SRFBP1: variants seen among roughly 807,000 people sequenced by gnomAD.
SRFBP1 encodes the protein serum response factor binding protein 1, also known as serum response factor-binding protein 1.
A neutral mutation model predicts 45.5 loss-of-function variants in SRFBP1; 47 were observed. That is an observed-to-expected ratio of 1.03 (90% CI 0.82 to 1.32). The LOEUF (loss-of-function observed/expected upper bound fraction) is 1.32, where lower values mean the gene tolerates loss of function less well. Ranked by LOEUF, SRFBP1 falls within the 40% of genes most tolerant of loss-of-function variation. The pLI is 0.00. For missense variants in SRFBP1, 621 were observed against 484.6 expected (o/e 1.28, Z -2.64); for synonymous variants, 203 against 166.3 (o/e 1.22, Z -1.70).
downstream of SRFBP1, chr5:122,077,253 C>A: frequency 6.5e-7 from 1 of 1,549,246 alleles, no homozygotes; most frequent in Non-Finnish European, 8.7e-7. The surrounding 1 kb of genome is among the most constrained non-coding windows in gnomAD (Gnocchi z 4.9). Flanking sequence ...GGGATCGGAT[C>A]TGCGAGGACC....
intron 3 of SRFBP1, among the ~76,000 whole-genome samples, chr5:121,983,278 T>C (rs1452229950): frequency 1.3e-5 from 2 of 151,752 alleles, no homozygotes; most frequent in Non-Finnish European, 3.0e-5. Context: ...AAAATGGCTG[T>C]CTGTTCGATT....
intron 3 of SRFBP1, among the ~76,000 whole-genome samples, chr5:121,979,518 A>T (rs2112823494): frequency 6.6e-6 from 1 of 152,296 alleles, no homozygotes; most frequent in Non-Finnish European, 1.5e-5. Flanking sequence ...CTATGAAAGT[A>T]ATTGTATTAA....
At chr5:121,996,124 A>G (rs1189628175) in intron 4 of SRFBP1, among the ~76,000 whole-genome samples, 1 of 148,120 alleles carries the variant, frequency 6.8e-6, no homozygotes, top group East Asian at 2.0e-4. Context: ...AACTATTCCA[A>G]TCAATAGAAA....
intron 2 of SRFBP1, among the ~76,000 whole-genome samples, chr5:122,054,602 G>C (rs1352051117): frequency 6.6e-6 from 1 of 152,122 alleles, no homozygotes; most frequent in Non-Finnish European, 1.5e-5. Context: ...GCCTGATTTG[G>C]CTCATGGTTC....
chr5:121,999,259 T>G (rs1248214012), intron 4 of SRFBP1, among the ~76,000 whole-genome samples: 1 of 152,188 alleles, frequency 6.6e-6, no homozygotes, highest in East Asian at 1.9e-4. Flanking sequence ...TTGCTTAATT[T>G]CCAGACCGTT....
chr5:122,005,681 C>T (rs1752959638), intron 4 of SRFBP1, among the ~76,000 whole-genome samples: 1 of 152,112 alleles, frequency 6.6e-6, no homozygotes, highest in African/African-American at 2.4e-5. Flanking sequence ...GGACTTACTA[C>T]TGCCATTTTG....
intron 3 of SRFBP1, among the ~76,000 whole-genome samples, chr5:121,981,346 A>G (rs979040867): frequency 6.6e-6 from 1 of 152,058 alleles, no homozygotes; most frequent in Non-Finnish European, 1.5e-5. Context: ...AGGTGTTTTT[A>G]AAATGAGCAC....
chr5:121,980,003 T>C (rs1752377160), intron 3 of SRFBP1, among the ~76,000 whole-genome samples: 3 of 152,144 alleles, frequency 2.0e-5, no homozygotes, highest in South Asian at 4.1e-4. Flanking sequence ...CTCATTATCC[T>C]ATCTACCAGA....
rs34687337 is a variant in SRFBP1, at chr5:121,966,946, ATTTTTT to A, written c.36+4893_36+4898del. 1.4e-3 allele frequency among the ~76,000 whole-genome samples: 156 copies of A among 114,668 alleles called. 1 individual carries two copies. Among genetic ancestry groups the A allele is most frequent in the African/African-American group, 4.9e-3 (150 of 30,484 alleles). 75.2% of individuals were successfully genotyped at this position (114,668 alleles called of 152,430 possible). On this transcript the variant is annotated intron_variant, in intron 1 of 7. Transcript: ENST00000339397. The stretch of plus-strand genomic sequence containing the variant: ...AGGCGTCCACCATCACGCCCAGCTA[ATTTTTT>A]TTTTTTTTTTTTTTGTATTTTTAGT...
Position 122,022,405 on chromosome 5 carries a change from TA to T in SRFBP1, c.1104del (p.Asp369IlefsTer63). On this transcript the variant is annotated frameshift_variant and splice_region_variant, in exon 7 of 8. Coordinates refer to ENST00000339397, the MANE Select transcript of SRFBP1 (RefSeq NM_152546.3). LOFTEE classifies it low-confidence loss of function (END_TRUNC). ...FKEQAPKTRSLDFPQNEPQIK... is the reference protein window; with the variant it reads ...FKEQAPKTRSXDFPQNEPQIK... ...GAACAGGCTCCAAAAACAAGATCCC[TA>T]GGTATGTATTCATAGTTGCCTGACC... is the stretch of plus-strand genomic sequence containing the variant. 6.2e-7 allele frequency: 1 copy of T among 1,610,916 alleles called. No individual in the cohort carries two copies. Among genetic ancestry groups the T allele is most frequent in the Non-Finnish European group, 8.5e-7 (1 of 1,178,768 alleles).
At chr5:122,033,724 G>A (rs1052548713) in intron 2 of SRFBP1, among the ~76,000 whole-genome samples, 45 of 151,602 alleles carry the variant, frequency 3.0e-4, no homozygotes, top group African/African-American at 5.6e-4. Context: ...CTCCCAGAGC[G>A]CTGGGATTAC....
At chr5:121,994,712 T>C in intron 4 of SRFBP1, 42 bp downstream of exon 4, 1 of 1,283,422 alleles carries the variant, frequency 7.8e-7, no homozygotes, top group Non-Finnish European at 1.1e-6. Flanking sequence ...GAAAAGTTTC[T>C]CATCTATATT....
At chr5:122,070,895 C>T (rs935564750) in intron 2 of SRFBP1, 17 of 198,276 alleles carry the variant, frequency 8.6e-5, no homozygotes, top group African/African-American at 3.9e-4. Flanking sequence ...AGAATTTTAA[C>T]AGTTCAGGAA....
intron 1 of SRFBP1, among the ~76,000 whole-genome samples, chr5:121,962,440 C>T (rs2112806398): frequency 6.6e-6 from 1 of 152,300 alleles, no homozygotes; most frequent in South Asian, 2.1e-4. Flanking sequence ...TTTCAGTACA[C>T]ATTACCTGCT....
intron 4 of SRFBP1, among the ~76,000 whole-genome samples, chr5:122,017,244 G>T (rs1753210220): frequency 1.3e-5 from 2 of 152,146 alleles, no homozygotes; most frequent in South Asian, 4.2e-4. Flanking sequence ...CAACAAAAAA[G>T]TAAATTTATT....
intron 3 of SRFBP1, among the ~76,000 whole-genome samples, chr5:121,981,772 AG>A (rs1000226773): frequency 7.9e-5 from 12 of 151,912 alleles, no homozygotes; most frequent in African/African-American, 2.9e-4. Context: ...TACTTTATGC[AG>A]GCCCTTTTAC....
Position 122,053,334 on chromosome 5 carries a change from A to T in SRFBP1, n.312-21981A>T, listed in dbSNP as rs181610681. Reference sequence around the variant, plus strand: ...AGAAGCTTCAACCCTTGGCAAACTCATGCAGAAGTAGGACTTCAGAGCCGG... The same window carrying T: ...AGAAGCTTCAACCCTTGGCAAACTCTTGCAGAAGTAGGACTTCAGAGCCGG... On this transcript the variant is annotated intron_variant and non_coding_transcript_variant, in intron 2 of 2. Coordinates refer to the SRFBP1 transcript ENST00000504881. 4.3e-4 allele frequency among the ~76,000 whole-genome samples: 66 copies of T among 152,248 alleles called. 1 individual carries two copies. Among genetic ancestry groups the T allele is most frequent in the African/African-American group, 1.5e-3 (63 of 41,538 alleles).
At chr5:122,048,385 G>A (rs1427900380) in intron 2 of SRFBP1, among the ~76,000 whole-genome samples, 1 of 152,172 alleles carries the variant, frequency 6.6e-6, no homozygotes, top group Admixed American at 6.6e-5. Flanking sequence ...TTGCATCCCA[G>A]GGGTGAAGCC....
chr5:122,065,689 A>G lies in SRFBP1; in HGVS notation n.312-9626A>G, dbSNP rs963575965. On this transcript the variant is annotated intron_variant and non_coding_transcript_variant, in intron 2 of 2. Coordinates refer to the SRFBP1 transcript ENST00000504881. ...TTCTAGATAATATAAAATTTTTAAC[A>G]TTCCTCTAATAGCTGAACATCTTTT... 4.1e-4 allele frequency: 62 copies of G among 152,096 alleles called. 1 individual carries two copies. The highest frequency in any genetic ancestry group is 1.0e-4 in the Non-Finnish European group (7 of 67,998). 9.4% of individuals were successfully genotyped at this position (152,096 alleles called of 1,614,324 possible). A position where few individuals can be genotyped will look rare whatever the true frequency, so the allele number is the denominator to read the frequency against.
Sources: allele counts gnomAD v4.1 joint callset (sites outside exome capture counted in the v4.1 genomes callset), GRCh38; gene constraint gnomAD v4.1.1; non-coding constraint Gnocchi (gnomAD v3.1); transcripts MANE v1.5; gene names NCBI Gene and HGNC (gene_info 2026-07-23, HGNC 2026-07-21).